MYOF: variants seen among roughly 807,000 people sequenced by gnomAD.
The protein encoded by MYOF is fer-1-like 3, myoferlin.
Under a neutral mutation model 284.2 loss-of-function variants are expected in MYOF, and 244 were observed. The observed-to-expected ratio is 0.86, with a 90% CI of 0.77 to 0.95. The LOEUF (loss-of-function observed/expected upper bound fraction) is 0.95. Ranked by LOEUF, MYOF falls within the 40% of genes least tolerant of loss-of-function variation. The pLI is 0.00. For missense variants in MYOF, 2,496 were observed against 2,560.6 expected (o/e 0.97, Z 0.54); for synonymous variants, 904 against 919.7 (o/e 0.98, Z 0.31).
chr10:93,306,452 G>C lies in MYOF; in HGVS notation c.*511C>G, dbSNP rs1842098907. On this transcript the variant is annotated 3_prime_UTR_variant, in exon 54 of 54. Coordinates refer to ENST00000359263, the MANE Select transcript of MYOF (RefSeq NM_013451.4). ...TGTAAAGGTGAAACATTTTTATTTA[G>C]TTTCATTACAGAGGTTAAATAGACT... is the stretch of plus-strand genomic sequence containing the variant. 6.6e-6 allele frequency: 1 copy of C among 152,514 alleles called. No individual in the cohort carries two copies. The highest frequency in any genetic ancestry group is 6.5e-5 in the Admixed American group (1 of 15,282). The allele number at this position is 152,514 out of a possible 1,614,324, so 9.4% of individuals were successfully genotyped here. A position where few individuals can be genotyped will look rare whatever the true frequency, so the allele number is the denominator to read the frequency against.
At position 93,396,100 on chromosome 10, in the gene MYOF, GT is replaced by G; in HGVS notation, c.1417+41del. On this transcript the variant is annotated intron_variant, in intron 16 of 53. Transcript: ENST00000359263. ...CATTTTTTTCTCAGACTGGAGAAAAGTTCTGTATCCAGTCTTGTTCTAGATC... is the reference window on the plus strand; with the variant it reads ...CATTTTTTTCTCAGACTGGAGAAAAGTCTGTATCCAGTCTTGTTCTAGATC... The G allele has an allele frequency of 2.7e-6, 4 of 1,478,204 alleles. No individual in the cohort carries two copies. In the East Asian group the frequency reaches 9.2e-5, roughly 34 times the overall value. The allele number at this position is 1,478,204 out of a possible 1,614,324, so 91.6% of individuals were successfully genotyped here. A position where few individuals can be genotyped will look rare whatever the true frequency, so the allele number is the denominator to read the frequency against.
intron 37 of MYOF, 147 bp from the exon 38 acceptor site, chr10:93,344,079 A>C: frequency 1.3e-6 from 1 of 750,084 alleles, no homozygotes; most frequent in Non-Finnish European, 2.2e-6. Flanking sequence ...ACAACTCCTG[A>C]ATGTAGAAAA....
chr10:93,479,082 C>T (rs2057334732), intron 1 of MYOF, among the ~76,000 whole-genome samples: 1 of 151,688 alleles, frequency 6.6e-6, no homozygotes, highest in Non-Finnish European at 1.5e-5. Context: ...AAAATGTTTA[C>T]ATATTTCTGT....
intron 1 of MYOF, among the ~76,000 whole-genome samples, chr10:93,466,229 C>G (rs2057006318): frequency 6.6e-6 from 1 of 152,162 alleles, no homozygotes; most frequent in African/African-American, 2.4e-5. Flanking sequence ...CCTTGGCTGC[C>G]CTATCGTTCC....
intron 2 of MYOF, 72 bp downstream of exon 2, chr10:93,456,810 C>G: frequency 1.8e-6 from 2 of 1,141,384 alleles, no homozygotes; most frequent in South Asian, 2.7e-5. Context: ...AAGAGGTAAC[C>G]TCTCACCCAA....
At chr10:93,464,145 A>T (rs994812616) in intron 1 of MYOF, among the ~76,000 whole-genome samples, 2 of 152,212 alleles carry the variant, frequency 1.3e-5, no homozygotes, top group African/African-American at 4.8e-5. Flanking sequence ...TTAAAAGCAA[A>T]AACTGGTTTC....
chr10:93,319,779 TCCGAGATCC>T, intron 49 of MYOF, 84 bp downstream of exon 49: 2 of 1,543,460 alleles, frequency 1.3e-6, no homozygotes, highest in Non-Finnish European at 1.8e-6. Context: ...CTCAGTGACC[TCCGAGATCC>T]TGAGCAGCTC....
At chr10:93,344,663 A>G (rs1272573844) in intron 37 of MYOF, among the ~76,000 whole-genome samples, 1 of 150,084 alleles carries the variant, frequency 6.7e-6, no homozygotes, top group African/African-American at 2.4e-5. Flanking sequence ...GCAAACCAAC[A>G]TGGCACGTGT....
At position 93,313,011 on chromosome 10, in the gene MYOF, T is replaced by A; in HGVS notation, c.5889+9A>T. 1 of 1,592,382 alleles carries A rather than the reference T, an allele frequency of 6.3e-7. No individual in the cohort carries two copies. The highest frequency in any genetic ancestry group is 1.1e-5 in the South Asian group (1 of 87,320). ...ACGATTTTCAACCAGAACCAGGAAATGTTCATACAGCCATTACGCGGGCGC... is the reference window on the plus strand; with the variant it reads ...ACGATTTTCAACCAGAACCAGGAAAAGTTCATACAGCCATTACGCGGGCGC... On this transcript the variant is annotated intron_variant, in intron 51 of 53. Transcript: ENST00000359263.
At chr10:93,344,389 A>G (rs570937440) in intron 37 of MYOF, among the ~76,000 whole-genome samples, 151 of 152,204 alleles carry the variant, frequency 9.9e-4, no homozygotes, top group African/African-American at 3.4e-3. Flanking sequence ...TGTGCCCAGT[A>G]TGCAGTCTTT....
intron 3 of MYOF, among the ~76,000 whole-genome samples, chr10:93,447,479 G>A (rs1173026717): frequency 6.6e-6 from 1 of 152,138 alleles, no homozygotes; most frequent in Non-Finnish European, 1.5e-5. Context: ...CCTACACCTG[G>A]AACTGGTTAT....
rs1044770767 is a variant in MYOF, at chr10:93,347,894, T to G, written c.4084-112A>C. The G allele has an allele frequency of 5.7e-6, 6 of 1,046,974 alleles. No individual in the cohort carries two copies. In the African/African-American group the frequency reaches 9.7e-5, roughly 17 times the overall value. 64.9% of individuals were successfully genotyped at this position (1,046,974 alleles called of 1,614,324 possible). On this transcript the variant is annotated intron_variant, in intron 36 of 53. Transcript: ENST00000359263. ...CTCTCTGCCACACAGCCCAGAGGAC[T>G]CGCAATAGTTCAGTTACTCATGTGC...
intron 1 of MYOF, 27 bp from the exon 2 acceptor site, chr10:93,456,964 G>A (rs2056759245): frequency 1.3e-6 from 2 of 1,547,338 alleles, no homozygotes; most frequent in South Asian, 2.3e-5. Context: ...GGAAGAGACA[G>A]CAATCATTTA....
rs1364326151 is a variant in MYOF at position 93,399,399 on chromosome 10, C to A, written c.1214G>T (p.Gly405Val). Residue 405 changes from glycine to valine, a missense_variant, in exon 13 of 54, where the codon GGA becomes GTA. Around this residue, in one of 3 missense-constraint regions of MYOF, gnomAD observed 2,436 missense variants for 2,480.7 expected, o/e 0.98. Transcript: ENST00000359263. ...VDPFVEVSFA[G>V]KKVCTNIIEK... ...TTTAGATCATGTACAAACCTTTTTT[C>A]CAGCAAAGGAAACTTCTACAAAAGG... 4 of 1,605,552 alleles carry A rather than the reference C, an allele frequency of 2.5e-6. No individual in the cohort carries two copies. The Admixed American group carries it at 6.7e-5, about 27-fold the overall frequency.
Position 93,381,400 on chromosome 10 carries a change from T to C in MYOF, c.1699-4A>G. Reference sequence around the variant, plus strand: ...ACTTCCGCCTTCGCTGGTATTTCTATAAAGTATGAGCAGACATAAGGTTCA... The same window carrying C: ...ACTTCCGCCTTCGCTGGTATTTCTACAAAGTATGAGCAGACATAAGGTTCA... On this transcript the variant is annotated splice_polypyrimidine_tract_variant and splice_region_variant and intron_variant, in intron 19 of 53. Coordinates refer to ENST00000359263, the MANE Select transcript of MYOF (RefSeq NM_013451.4). 1 of 1,614,076 alleles carries C rather than the reference T, an allele frequency of 6.2e-7. No homozygotes were observed. Among genetic ancestry groups the C allele is most frequent in the Non-Finnish European group, 8.5e-7 (1 of 1,179,954 alleles).
intron 53 of MYOF, among the ~76,000 whole-genome samples, chr10:93,308,157 C>G (rs571276687): frequency 6.7e-6 from 1 of 149,824 alleles, no homozygotes; most frequent in South Asian, 2.1e-4. Context: ...GCTGGAGAAT[C>G]GCTTGAACCT....
intron 51 of MYOF, among the ~76,000 whole-genome samples, chr10:93,311,617 G>A (rs1390091378): frequency 1.4e-5 from 2 of 148,022 alleles, no homozygotes; most frequent in African/African-American, 5.0e-5. Context: ...CAACAAACCT[G>A]CCCACTTTTA....
Position 93,395,718 on chromosome 10 carries a change from A to G in MYOF, c.1417+424T>C, listed in dbSNP as rs76645464. On this transcript the variant is annotated intron_variant, in intron 16 of 53. Coordinates refer to ENST00000359263, the MANE Select transcript of MYOF (RefSeq NM_013451.4). ...GGCATCTGACCTTACTGTTCCTGCC[A>G]AGGGATTCGGTTGAGAAGGGAGTAT... Among the ~76,000 whole-genome samples the G allele has an allele frequency of 2.4e-3, 366 of 151,994 alleles. 1 individual carries two copies. The highest frequency in any genetic ancestry group is 2.8e-3 in the Non-Finnish European group (192 of 67,988).
chr10:93,462,599 A>T (rs2134351628), intron 1 of MYOF, among the ~76,000 whole-genome samples: 1 of 152,236 alleles, frequency 6.6e-6, no homozygotes, highest in African/African-American at 2.4e-5. Context: ...ATAAGGAAAA[A>T]CTAAGTGGCT....
Sources: allele counts gnomAD v4.1 joint callset (sites outside exome capture counted in the v4.1 genomes callset), GRCh38; gene constraint gnomAD v4.1.1; regional missense constraint gnomAD v4.1.1; transcripts MANE v1.5; gene names NCBI Gene and HGNC (gene_info 2026-07-23, HGNC 2026-07-21).